CYFIP2: variants seen among roughly 807,000 people sequenced by gnomAD.
The protein encoded by CYFIP2 is cytoplasmic FMR1 interacting protein 2, also known as cytoplasmic FMR1-interacting protein 2.
A neutral mutation model predicts 158.7 loss-of-function variants in CYFIP2; 29 were observed. The observed-to-expected ratio is 0.18, with a 90% CI of 0.14 to 0.25. CYFIP2 has a LOEUF of 0.25. CYFIP2 is among the 10% of genes least tolerant of loss of function. The pLI is 1.00. For missense variants in CYFIP2, 852 were observed against 1,639.5 expected (o/e 0.52, Z 8.29); for synonymous variants, 585 against 617.6 (o/e 0.95, Z 0.78).
chr5:157,286,916 G>C lies in CYFIP2; in HGVS notation c.118-103G>C. On this transcript the variant is annotated intron_variant, in intron 2 of 30. Coordinates refer to ENST00000620254, the MANE Select transcript of CYFIP2 (RefSeq NM_001037333.3). ...GGTGACGCAGCAGGAGGTTTCCACA[G>C]AGAGCTTGCGTTGTTTGTTGGCAGC... 3 of 792,170 alleles carry C rather than the reference G, an allele frequency of 3.8e-6. No individual in the cohort carries two copies. The Admixed American group carries it at 6.3e-5, about 17-fold the overall frequency. The allele number at this position is 792,170 out of a possible 1,614,324, so 49.1% of individuals were successfully genotyped here.
At chr5:157,291,320 A>T (rs1199122729) in intron 3 of CYFIP2, among the ~76,000 whole-genome samples, 1 of 152,238 alleles carries the variant, frequency 6.6e-6, no homozygotes, top group South Asian at 2.1e-4. Context: ...AAGAGTGAGG[A>T]CCAGAACTCA....
At position 157,371,729 on chromosome 5, in the gene CYFIP2, AAAATT is replaced by A. The variant is rs1183209847; in HGVS notation, c.3039+10139_3039+10143del. Among the ~76,000 whole-genome samples, 59 of 152,348 alleles carry A rather than the reference AAAATT, an allele frequency of 3.9e-4. 1 individual carries two copies. Among genetic ancestry groups the A allele is most frequent in the African/African-American group, 9.4e-4 (39 of 41,588 alleles). ...TTTAAATTAACTATAATATGAAAAG[AAAATT>A]AAATTAAGACAGAAAGTAATGCAAA... On this transcript the variant is annotated intron_variant, in intron 26 of 30. Transcript: ENST00000620254.
chr5:157,285,520 T>A, intron 2 of CYFIP2, 42 bp downstream of exon 2: 1 of 1,523,300 alleles, frequency 6.6e-7, no homozygotes, highest in Non-Finnish European at 8.9e-7. Flanking sequence ...CCAGGAATTC[T>A]GGGGATCCCC....
chr5:157,344,739 G>A (rs1034564362), intron 23 of CYFIP2, among the ~76,000 whole-genome samples: 5 of 152,108 alleles, frequency 3.3e-5, no homozygotes, highest in African/African-American at 4.8e-5. Flanking sequence ...ATGAAACCCC[G>A]TAGGTTTCAT....
intron 26 of CYFIP2, among the ~76,000 whole-genome samples, chr5:157,377,973 A>G (rs927964381): frequency 6.6e-6 from 1 of 152,218 alleles, no homozygotes; most frequent in Non-Finnish European, 1.5e-5. Context: ...GGAAGCCCTG[A>G]ATGAATAAAA....
intron 21 of CYFIP2, 53 bp from the exon 22 acceptor site, chr5:157,339,004 A>T (rs563458454): frequency 7.2e-6 from 11 of 1,523,774 alleles, no homozygotes; most frequent in East Asian, 4.8e-5. Context: ...AAACACACAC[A>T]TGTAATGCTT....
intron 18 of CYFIP2, among the ~76,000 whole-genome samples, chr5:157,326,526 A>G (rs1761034109): frequency 6.6e-6 from 1 of 152,230 alleles, no homozygotes. Flanking sequence ...GTGCATGTGT[A>G]TAAATACCCA....
At chr5:157,388,191 A>G (rs1766888480) in intron 28 of CYFIP2, among the ~76,000 whole-genome samples, 1 of 152,018 alleles carries the variant, frequency 6.6e-6, no homozygotes, top group African/African-American at 2.4e-5. Context: ...TTTAACATTT[A>G]CCTTACTTTG....
rs371158305 is a variant in CYFIP2 at position 157,389,442 on chromosome 5, G to C, written c.3446+15G>C. The C allele has an allele frequency of 9.6e-5, 150 of 1,555,246 alleles. No homozygotes were observed. In the African/African-American group the frequency reaches 1.9e-3, roughly 19 times the overall value. ...TTCACAGCTGAGTGAGTACCCCCCA[G>C]AGAAGGCAGGGTTACCCCCAACCTG... On this transcript the variant is annotated intron_variant, in intron 29 of 30. Coordinates refer to ENST00000620254, the MANE Select transcript of CYFIP2 (RefSeq NM_001037333.3).
At chr5:157,332,797 A>C (rs1268125733) in intron 20 of CYFIP2, among the ~76,000 whole-genome samples, 1 of 152,034 alleles carries the variant, frequency 6.6e-6, no homozygotes, top group African/African-American at 2.4e-5. Context: ...GGCGTACACC[A>C]CCACACCTGG....
At chr5:157,297,358 A>AGTGAAAG in intron 5 of CYFIP2, among the ~76,000 whole-genome samples, 1 of 152,366 alleles carries the variant, frequency 6.6e-6, no homozygotes, top group Non-Finnish European at 1.5e-5. Flanking sequence ...CCCAAGTCAC[A>AGTGAAAG]TCCCTGGCCC....
intron 1 of CYFIP2, among the ~76,000 whole-genome samples, chr5:157,272,887 A>C (rs1240924677): frequency 3.9e-5 from 6 of 152,090 alleles, no homozygotes; most frequent in Non-Finnish European, 8.8e-5. Context: ...TTATTTTGAG[A>C]TGGAGTTTCA....
At chr5:157,374,599 T>A (rs1765290184) in intron 26 of CYFIP2, among the ~76,000 whole-genome samples, 1 of 152,178 alleles carries the variant, frequency 6.6e-6, no homozygotes, top group African/African-American at 2.4e-5. Flanking sequence ...GGCATTTGTC[T>A]TGCTTTGGTA....
intron 30 of CYFIP2, among the ~76,000 whole-genome samples, chr5:157,392,562 CT>C (rs1181215933): frequency 6.6e-6 from 1 of 152,196 alleles, no homozygotes; most frequent in East Asian, 1.9e-4. Flanking sequence ...GCTCTCTATT[CT>C]GTTTTATTCA....
intron 26 of CYFIP2, among the ~76,000 whole-genome samples, chr5:157,381,373 A>G (rs1463818938): frequency 6.6e-6 from 1 of 151,962 alleles, no homozygotes; most frequent in African/African-American, 2.4e-5. Flanking sequence ...AAAAAAAAAA[A>G]AAAATTAGCC....
rs116195527 is a variant in CYFIP2, at chr5:157,363,758, A to G, written c.3039+2160A>G. 2.1e-3 allele frequency: 314 copies of G among 152,486 alleles called. 1 individual carries two copies. Among genetic ancestry groups the G allele is most frequent in the African/African-American group, 6.9e-3 (288 of 41,556 alleles). 9.4% of individuals were successfully genotyped at this position (152,486 alleles called of 1,614,324 possible). On this transcript the variant is annotated intron_variant, in intron 26 of 30. Coordinates refer to ENST00000620254, the MANE Select transcript of CYFIP2 (RefSeq NM_001037333.3). Reference sequence around the variant, plus strand: ...GTGAAGGACAAGGCTCTTACAGTCTAGAGCCCATCTTGGAGGCAATAGGTG... The same window carrying G: ...GTGAAGGACAAGGCTCTTACAGTCTGGAGCCCATCTTGGAGGCAATAGGTG...
intron 13 of CYFIP2, among the ~76,000 whole-genome samples, chr5:157,318,068 T>C (rs568079297): frequency 1.3e-5 from 2 of 152,260 alleles, no homozygotes; most frequent in South Asian, 2.1e-4. Context: ...AAAATCGGGT[T>C]TCTGTCTTCC....
At chr5:157,280,519 C>T (rs1036958883) in intron 1 of CYFIP2, among the ~76,000 whole-genome samples, 3 of 151,964 alleles carry the variant, frequency 2.0e-5, no homozygotes, top group South Asian at 4.2e-4. Flanking sequence ...CCACCACACC[C>T]GTCTGTAAAT....
chr5:157,306,739 G>T (rs574067911), intron 8 of CYFIP2, among the ~76,000 whole-genome samples: 5 of 152,100 alleles, frequency 3.3e-5, no homozygotes, highest in African/African-American at 1.2e-4. Flanking sequence ...AAAATTAGCC[G>T]GGGGTGGTGG....
Sources: gnomAD v4.1 joint callset for allele counts (sites outside exome capture counted in the v4.1 genomes callset) on GRCh38, gnomAD v4.1.1 for gene constraint, MANE v1.5 for transcripts, NCBI Gene and HGNC (gene_info 2026-07-23, HGNC 2026-07-21) for gene names.